CAMSAP3: variants seen among roughly 807,000 people sequenced by gnomAD.
CAMSAP3 encodes the protein calmodulin-regulated spectrin-associated protein 3.
A neutral mutation model predicts 112.5 loss-of-function variants in CAMSAP3; 34 were observed. The ratio of observed to expected loss-of-function variants is 0.30; its 90% CI spans 0.23 to 0.40. The LOEUF is 0.40. Ranked by LOEUF, CAMSAP3 falls within the 10% of genes least tolerant of loss-of-function variation. The pLI is 1.00. For missense variants in CAMSAP3, 1,602 were observed against 1,770.3 expected, an observed-to-expected ratio of 0.90 and a Z score of 1.71; for synonymous variants, 868 against 799.8, an observed-to-expected ratio of 1.09 and a Z score of -1.44.
rs1370094009 is a variant in CAMSAP3, at chr19:7,610,820, G to A, written c.994+27G>A. 6.2e-7 allele frequency: 1 copy of A among 1,610,938 alleles called. No individual in the cohort carries two copies. The highest frequency in any genetic ancestry group is 1.3e-5 in the African/African-American group (1 of 74,994). On this transcript the variant is annotated intron_variant, in intron 7 of 16. Coordinates refer to ENST00000160298, the MANE Select transcript of CAMSAP3 (RefSeq NM_020902.2). The surrounding 1 kb of genome is among the most constrained non-coding windows in gnomAD (Gnocchi z 4.9). ...TGAGGCCCTGGGGGCCTGGGGGCCG[G>A]GTCGGGGGCGGGTGGGAGAGCCAAA... is the stretch of plus-strand genomic sequence containing the variant.
In CAMSAP3 at chr19:7,612,881, G is replaced by A; in HGVS notation, c.2388G>A (p.Arg796=). ...AGCTGCGGCTGGCACCCTTGACCAG[G>A]GTGCTTACGCCACCCCACGACGTAG... ...PAELRLAPLT[R]VLTPPHDVDS... Residue 796 remains arginine (R), a synonymous_variant, in exon 11 of 17, where the codon AGG becomes AGA. Transcript: ENST00000160298. 1.9e-6 allele frequency: 3 copies of A among 1,606,724 alleles called. No individual in the cohort carries two copies. The highest frequency in any genetic ancestry group is 2.5e-6 in the Non-Finnish European group (3 of 1,178,308).
At position 7,596,062 on chromosome 19, in the gene CAMSAP3, G is replaced by T. The variant is rs770852371; in HGVS notation, c.60G>T (p.Glu20Asp). Residue 20 changes from glutamate to aspartate, a missense_variant, in exon 1 of 17, where the codon GAG becomes GAT. Glu to Asp is a conservative substitution (Grantham distance 45, BLOSUM62 2). Around this residue, in one of 6 missense-constraint regions of CAMSAP3, gnomAD observed 147 missense variants for 144.6 expected, o/e 1.02. Transcript: ENST00000160298. The stretch of plus-strand genomic sequence containing the variant: ...TGCGGAGGACCTTTCTAGTGCCCGA[G>T]ATCAAGTCGCTGGACCAGTACGATT... ...GPLRRTFLVP[E>D]IKSLDQYDFS... 7.8e-7 allele frequency: 1 copy of T among 1,282,646 alleles called. No individual in the cohort carries two copies. The highest frequency in any genetic ancestry group is 1.4e-5 in the South Asian group (1 of 69,512). The allele number at this position is 1,282,646 out of a possible 1,614,324, so 79.5% of individuals were successfully genotyped here.
chr19:7,610,018 C>CT lies in CAMSAP3; in HGVS notation c.761-457dup, dbSNP rs1459419023. Among the ~76,000 whole-genome samples the CT allele has an allele frequency of 6.6e-6, 1 of 152,110 alleles. No individual in the cohort carries two copies. The highest frequency in any genetic ancestry group is 6.5e-5 in the Admixed American group (1 of 15,274). ...TAAGGACCCCCGGCCTAAGGACGGT[C>CT]TATCATATAATTCACCTCGGCCGGG... On this transcript the variant is annotated intron_variant, in intron 5 of 16. Transcript: ENST00000160298. The surrounding 1 kb of genome is among the most constrained non-coding windows in gnomAD (Gnocchi z 4.9).
rs1379640534 is a variant in CAMSAP3, at chr19:7,612,759, TC to T, written c.2271del (p.Ser758AlafsTer37). The part of the protein sequence containing the change: ...PGPTTGPKAA[S>X]PSPARRVPAT... ...CCCCACGACGGGGCCCAAAGCTGCA[TC>T]CCCCAGCCCCGCCCGGCGAGTCCCG... is the stretch of plus-strand genomic sequence containing the variant. On this transcript the variant is annotated frameshift_variant, in exon 11 of 17. Coordinates refer to ENST00000160298, the MANE Select transcript of CAMSAP3 (RefSeq NM_020902.2). LOFTEE classifies it high-confidence loss of function. 6.5e-7 allele frequency: 1 copy of T among 1,531,336 alleles called. No homozygotes were observed. Among genetic ancestry groups the T allele is most frequent in the Admixed American group, 2.0e-5 (1 of 50,798 alleles). The allele number at this position is 1,531,336 out of a possible 1,614,324, so 94.9% of individuals were successfully genotyped here.
chr19:7,615,608 C>CA lies in CAMSAP3; in HGVS notation c.3001_3002insA (p.Arg1001GlnfsTer24). ...CGACCTCGATAAGGTGCTGCGGCCC[C>CA]GGGCTGCGGGGTCCGGGGGTCCAGG... On this transcript the variant is annotated frameshift_variant, in exon 13 of 17. Transcript: ENST00000160298. LOFTEE classifies it high-confidence loss of function. The surrounding 1 kb of genome is among the most constrained non-coding windows in gnomAD (Gnocchi z 6.5). The CA allele has an allele frequency of 6.8e-7, 1 of 1,461,074 alleles. No homozygotes were observed. Among genetic ancestry groups the CA allele is most frequent in the Non-Finnish European group, 9.0e-7 (1 of 1,107,630 alleles). 90.5% of individuals were successfully genotyped at this position (1,461,074 alleles called of 1,614,324 possible).
Position 7,615,760 on chromosome 19 carries a change from C to G in CAMSAP3, c.3112+41C>G. The G allele has an allele frequency of 7.8e-7, 1 of 1,274,124 alleles. No homozygotes were observed. 78.9% of individuals were successfully genotyped at this position (1,274,124 alleles called of 1,614,324 possible). A position where few individuals can be genotyped will look rare whatever the true frequency, so the allele number is the denominator to read the frequency against. On this transcript the variant is annotated intron_variant, in intron 13 of 16. Coordinates refer to ENST00000160298, the MANE Select transcript of CAMSAP3 (RefSeq NM_020902.2). The surrounding 1 kb of genome is among the most constrained non-coding windows in gnomAD (Gnocchi z 6.5). ...GGACGGGGCCTGCCCAGTGCCCTTTCCGGGGCTCACTGGGTGAGGCCCCCA... is the reference window on the plus strand; with the variant it reads ...GGACGGGGCCTGCCCAGTGCCCTTTGCGGGGCTCACTGGGTGAGGCCCCCA...
Position 7,596,143 on chromosome 19 carries a change from G to A in CAMSAP3, c.141G>A (p.Gly47=), listed in dbSNP as rs762113141. The change falls in exon 1 of 17, where the codon GGG becomes GGA. Residue 47 remains glycine, a synonymous_variant. Coordinates refer to ENST00000160298, the MANE Select transcript of CAMSAP3 (RefSeq NM_020902.2). ...SLAWVLRAAF[G]GAEHVPPELW... is the part of the protein sequence containing the mutation. The stretch of plus-strand genomic sequence containing the variant: ...CGTGGGTGCTGCGGGCCGCGTTCGG[G>A]GGCGCAGGTACCGGGGCTCGGGGGA... 6.0e-6 allele frequency: 7 copies of A among 1,161,904 alleles called. No homozygotes were observed. In the East Asian group the frequency reaches 2.8e-4, roughly 46 times the overall value. 72.0% of individuals were successfully genotyped at this position (1,161,904 alleles called of 1,614,324 possible). A position where few individuals can be genotyped will look rare whatever the true frequency, so the allele number is the denominator to read the frequency against.
At position 7,612,702 on chromosome 19, in the gene CAMSAP3, GC is replaced by G; in HGVS notation, c.2213del (p.Pro738HisfsTer57). The G allele has an allele frequency of 6.6e-7, 1 of 1,521,188 alleles. No homozygotes were observed. The highest frequency in any genetic ancestry group is 2.0e-5 in the Admixed American group (1 of 49,614). 94.2% of individuals were successfully genotyped at this position (1,521,188 alleles called of 1,614,324 possible). A position where few individuals can be genotyped will look rare whatever the true frequency, so the allele number is the denominator to read the frequency against. On this transcript the variant is annotated frameshift_variant, in exon 11 of 17. Transcript: ENST00000160298. LOFTEE classifies it high-confidence loss of function. ...LLAPPEAPGS[A>X]PPPAAWVIPG... ...GGCCCCGCCCGAGGCCCCCGGATCCGCCCCACCACCTGCTGCGTGGGTCATC... is the reference window on the plus strand; with the variant it reads ...GGCCCCGCCCGAGGCCCCCGGATCCGCCCACCACCTGCTGCGTGGGTCATC...
chr19:7,606,212 G>A (rs1326244014), intron 2 of CAMSAP3, 59 bp from the exon 3 acceptor site: 87 of 1,585,880 alleles, frequency 5.5e-5, no homozygotes, highest in Non-Finnish European at 6.4e-5. Flanking sequence ...AGGCCCTTGG[G>A]GGCCGAGGTG....
At position 7,611,931 on chromosome 19, in the gene CAMSAP3, G is replaced by A. The variant is rs769934188; in HGVS notation, c.1438G>A (p.Asp480Asn). Reference protein sequence around the residue: ...EPRLLPDGAADGSFYLHSPEG... With the variant: ...EPRLLPDGAANGSFYLHSPEG... Reference sequence around the variant, plus strand: ...CCGGCTCCTCCCAGATGGGGCGGCCGACGGCAGCTTCTACCTCCACTCCCC... The same window carrying A: ...CCGGCTCCTCCCAGATGGGGCGGCCAACGGCAGCTTCTACCTCCACTCCCC... The change falls in exon 11 of 17, where the codon GAC (aspartate) becomes AAC (asparagine). Residue 480 changes from aspartate to asparagine, a missense_variant. By Grantham distance (23) the Asp-to-Asn change is conservative. Around this residue, in one of 6 missense-constraint regions of CAMSAP3, gnomAD observed 1,100 missense variants for 1,135.7 expected, o/e 0.97. Transcript: ENST00000160298. The surrounding 1 kb of genome is among the most constrained non-coding windows in gnomAD (Gnocchi z 6.9). The A allele has an allele frequency of 2.5e-6, 4 of 1,594,320 alleles. No homozygotes were observed. The highest frequency in any genetic ancestry group is 2.2e-5 in the South Asian group (2 of 89,844).
intron 1 of CAMSAP3, among the ~76,000 whole-genome samples, chr19:7,600,907 C>T (rs186494082): frequency 7.1e-6 from 1 of 141,730 alleles, no homozygotes; most frequent in Non-Finnish European, 1.6e-5. Flanking sequence ...TCCATCCACC[C>T]ACCCATTCAT....
In CAMSAP3 at chr19:7,611,332, C is replaced by T. The variant is rs2030475132; in HGVS notation, c.1123+164C>T. On this transcript the variant is annotated intron_variant, in intron 9 of 16. Coordinates refer to ENST00000160298, the MANE Select transcript of CAMSAP3 (RefSeq NM_020902.2). This position sits in a 1 kb window ranked among gnomAD's most constrained non-coding sequence, Gnocchi z 6.9. ...CAGAATGGCCTCCCCAGTGGCCCCACAGTACCCCGTAGTGACAGTAAATGG... is the reference window on the plus strand; with the variant it reads ...CAGAATGGCCTCCCCAGTGGCCCCATAGTACCCCGTAGTGACAGTAAATGG... Among the ~76,000 whole-genome samples, 1 of 152,202 alleles carries T rather than the reference C, an allele frequency of 6.6e-6. No individual in the cohort carries two copies. Among genetic ancestry groups the T allele is most frequent in the South Asian group, 2.1e-4 (1 of 4,832 alleles).
At position 7,615,304 on chromosome 19, in the gene CAMSAP3, G is replaced by A. The variant is rs61747262; in HGVS notation, c.2792G>A (p.Arg931Gln). The A allele has an allele frequency of 5.8e-4, 896 of 1,547,012 alleles. 6 individuals carry two copies. The African/African-American group carries it at 0.011, about 18-fold the overall frequency. Residue 931 changes from arginine (R) to glutamine (Q), a missense_variant, in exon 12 of 17, where the codon CGG becomes CAG. Coordinates refer to ENST00000160298, the MANE Select transcript of CAMSAP3 (RefSeq NM_020902.2). The surrounding 1 kb of genome is among the most constrained non-coding windows in gnomAD (Gnocchi z 6.5). ...KQWQEVEKEQRREEAARLAQE... is the reference protein window; with the variant it reads ...KQWQEVEKEQQREEAARLAQE... ...TGGCAGGAGGTGGAGAAGGAACAGC[G>A]GAGGGAGGAGGCCGCGAGGTGAGGC...
chr19:7,603,686 A>T (rs772164921), intron 1 of CAMSAP3, among the ~76,000 whole-genome samples: 7 of 152,110 alleles, frequency 4.6e-5, no homozygotes, highest in East Asian at 1.9e-4. Flanking sequence ...CCATCTTTAT[A>T]AAAAAATTTA....
In CAMSAP3 at chr19:7,596,101, G is replaced by T. The variant is rs768730258; in HGVS notation, c.99G>T (p.Lys33Asn). 1 of 1,270,998 alleles carries T rather than the reference G, an allele frequency of 7.9e-7. No homozygotes were observed. The highest frequency in any genetic ancestry group is 5.6e-5 in the East Asian group (1 of 17,852). 78.7% of individuals were successfully genotyped at this position (1,270,998 alleles called of 1,614,324 possible). ...SLDQYDFSRA[K>N]AAASLAWVLR... ...ACCAGTACGATTTCTCGCGGGCCAAGGCGGCGGCCAGCCTGGCGTGGGTGC... is the reference window on the plus strand; with the variant it reads ...ACCAGTACGATTTCTCGCGGGCCAATGCGGCGGCCAGCCTGGCGTGGGTGC... Residue 33 changes from lysine (K) to asparagine (N), a missense_variant, in exon 1 of 17, where the codon AAG becomes AAT. Lys to Asn is a moderately conservative substitution (Grantham distance 94). Around this residue, in one of 6 missense-constraint regions of CAMSAP3, gnomAD observed 147 missense variants for 144.6 expected, o/e 1.02. Transcript: ENST00000160298.
At position 7,595,954 on chromosome 19, in the gene CAMSAP3, C is replaced by G; in HGVS notation, c.-49C>G. The G allele has an allele frequency of 1.0e-6, 1 of 978,182 alleles. No homozygotes were observed. The highest frequency in any genetic ancestry group is 4.1e-5 in the South Asian group (1 of 24,462). 60.6% of individuals were successfully genotyped at this position (978,182 alleles called of 1,614,324 possible). A position where few individuals can be genotyped will look rare whatever the true frequency, so the allele number is the denominator to read the frequency against. On this transcript the variant is annotated 5_prime_UTR_variant, in exon 1 of 17. Transcript: ENST00000160298. ...GGGGCGCGAGCGCGGCGCAGCCCAG[C>G]CCAGCCCAGTCCGAGCGCGGACCCG...
Position 7,615,644 on chromosome 19 carries a change from C to T in CAMSAP3, c.3037C>T (p.Arg1013Trp), listed in dbSNP as rs1395696334. The T allele has an allele frequency of 4.2e-6, 6 of 1,428,628 alleles. No individual in the cohort carries two copies. The highest frequency in any genetic ancestry group is 2.7e-5 in the East Asian group (1 of 36,670). 88.5% of individuals were successfully genotyped at this position (1,428,628 alleles called of 1,614,324 possible). Residue 1013 changes from arginine to tryptophan, a missense_variant, in exon 13 of 17, where the codon CGG becomes TGG. Coordinates refer to ENST00000160298, the MANE Select transcript of CAMSAP3 (RefSeq NM_020902.2). This position sits in a 1 kb window ranked among gnomAD's most constrained non-coding sequence, Gnocchi z 6.5. Reference sequence around the variant, plus strand: ...GTCCGGGGGTCCAGGTCGGGGCGGGCGGAGGGCCACCCGGCCTCGCTCGGG... The same window carrying T: ...GTCCGGGGGTCCAGGTCGGGGCGGGTGGAGGGCCACCCGGCCTCGCTCGGG... ...AGSGGPGRGG[R>W]RATRPRSGCC... is the part of the protein sequence containing the mutation.
intron 2 of CAMSAP3, 143 bp from the exon 3 acceptor site, chr19:7,606,128 A>G: frequency 1.1e-6 from 1 of 872,618 alleles, no homozygotes; most frequent in African/African-American, 1.7e-5. Flanking sequence ...CCCACCCATG[A>G]ACCACTGGCC....
intron 1 of CAMSAP3, among the ~76,000 whole-genome samples, chr19:7,597,751 C>T (rs922803797): frequency 1.3e-5 from 2 of 152,164 alleles, no homozygotes; most frequent in Non-Finnish European, 1.5e-5. Context: ...ATAATATTAA[C>T]GTTATCCATT....
Sources: gnomAD v4.1 joint callset for allele counts (sites outside exome capture counted in the v4.1 genomes callset) on GRCh38, gnomAD v4.1.1 for gene constraint, gnomAD v4.1.1 regional missense constraint, Gnocchi (gnomAD v3.1) non-coding constraint, MANE v1.5 for transcripts, NCBI Gene and HGNC (gene_info 2026-07-23, HGNC 2026-07-21) for gene names.